Variants in NGLY1 observed in about 807,000 individuals in gnomAD.
The protein encoded by NGLY1 is peptide-N(4)-(N-acetyl-beta-glucosaminyl)asparagine amidase.
Under a neutral mutation model 84.6 loss-of-function variants are expected in NGLY1, and 68 were observed. That is an observed-to-expected ratio of 0.80 (90% CI 0.66 to 0.98). NGLY1 has a LOEUF of 0.98. Among genes scored for constraint, NGLY1 ranks in the 50% least tolerant of loss-of-function variants. The pLI is 0.00. For missense variants in NGLY1, 779 were observed against 770.2 expected (o/e 1.01, Z -0.14); for synonymous variants, 280 against 275.2 (o/e 1.02, Z -0.17).
upstream of NGLY1, among the ~76,000 whole-genome samples, chr3:25,783,760 C>G (rs2125332889): frequency 6.6e-6 from 1 of 152,032 alleles, no homozygotes; most frequent in East Asian, 1.9e-4. This position sits in a 1 kb window ranked among gnomAD's most constrained non-coding sequence, Gnocchi z 4.5. Flanking sequence ...AGAGTTGGGG[C>G]CTGGTCGTAC....
intron 4 of NGLY1, among the ~76,000 whole-genome samples, chr3:25,743,360 C>T (rs1559540022): frequency 6.6e-6 from 1 of 152,224 alleles, no homozygotes; most frequent in Non-Finnish European, 1.5e-5. Flanking sequence ...GTCTTGTTCA[C>T]TGGCTACAGC....
rs539959774 is a variant in NGLY1 at position 25,732,813 on chromosome 3, T to A, written c.1261-330A>T. Among the ~76,000 whole-genome samples the A allele has an allele frequency of 2.0e-5, 3 of 152,128 alleles. No individual in the cohort carries two copies. The East Asian group carries it at 5.8e-4, about 29-fold the overall frequency. On this transcript the variant is annotated intron_variant, in intron 8 of 11. Transcript: ENST00000280700. ...GTCAGAATGTCTTACTGAGAAAAGCTAGAAAAGCTAGTGGAAACACACAAA... is the reference window on the plus strand; with the variant it reads ...GTCAGAATGTCTTACTGAGAAAAGCAAGAAAAGCTAGTGGAAACACACAAA...
chr3:25,741,819 C>T (rs551271149), intron 4 of NGLY1, among the ~76,000 whole-genome samples: 64 of 151,612 alleles, frequency 4.2e-4, no homozygotes, highest in Non-Finnish European at 8.4e-4. Flanking sequence ...GGTGAAACCC[C>T]GTCTCTACTA....
rs34669504 is a variant in NGLY1 at position 25,742,884 on chromosome 3, C to CAAAA, written c.659-3089_659-3086dup. 1.9e-4 allele frequency among the ~76,000 whole-genome samples: 12 copies of CAAAA among 63,314 alleles called. 1 individual carries two copies. The highest frequency in any genetic ancestry group is 6.5e-4 in the African/African-American group (10 of 15,408). The allele number at this position is 63,314 out of a possible 152,430, so 41.5% of individuals were successfully genotyped here. On this transcript the variant is annotated intron_variant, in intron 4 of 11. Transcript: ENST00000280700. ...CTATGAATGTAGTTACCTTATGTGG[C>CAAAA]AAAAAAAAAAAAAAAAAAAAAAAAA... is the stretch of plus-strand genomic sequence containing the variant.
In NGLY1 at chr3:25,745,126, GCCAT is replaced by G. The variant is rs545990786; in HGVS notation, c.659-5331_659-5328del. 1.0e-3 allele frequency among the ~76,000 whole-genome samples: 152 copies of G among 151,984 alleles called. 1 individual carries two copies. Among genetic ancestry groups the G allele is most frequent in the African/African-American group, 3.4e-3 (139 of 41,416 alleles). On this transcript the variant is annotated intron_variant, in intron 4 of 11. Transcript: ENST00000280700. The stretch of plus-strand genomic sequence containing the variant: ...CATATCCTGCTGTTTCTAAAATATC[GCCAT>G]CCAATAGAATTTTCAGCAATAATGG...
intron 5 of NGLY1, among the ~76,000 whole-genome samples, chr3:25,738,052 T>A (rs1705932101): frequency 6.6e-6 from 1 of 152,098 alleles, no homozygotes; most frequent in Admixed American, 6.5e-5. Context: ...ATACAACAGG[T>A]CAGAAAGTGG....
intron 3 of NGLY1, among the ~76,000 whole-genome samples, chr3:25,759,156 G>T (rs768263493): frequency 6.6e-6 from 1 of 152,150 alleles, no homozygotes; most frequent in African/African-American, 2.4e-5. Context: ...GGGATACAGG[G>T]AGAGAGGAGC....
intron 3 of NGLY1, among the ~76,000 whole-genome samples, chr3:25,756,444 C>T (rs1344887284): frequency 6.6e-6 from 1 of 152,110 alleles, no homozygotes; most frequent in Non-Finnish European, 1.5e-5. Context: ...GGGTTTTACT[C>T]CTTAGTTTTT....
chr3:25,737,071 T>C (rs1184612748), intron 6 of NGLY1: 1 of 310,750 alleles, frequency 3.2e-6, no homozygotes, highest in Non-Finnish European at 5.9e-6. Context: ...TGTACATCTA[T>C]TATGCATCAA....
chr3:25,764,670 A>G (rs1707475972), intron 2 of NGLY1, among the ~76,000 whole-genome samples: 1 of 151,330 alleles, frequency 6.6e-6, no homozygotes. Flanking sequence ...ATAGTATATG[A>G]TACTACTATT....
At chr3:25,745,070 A>G (rs190719170) in intron 4 of NGLY1, among the ~76,000 whole-genome samples, 116 of 152,206 alleles carry the variant, frequency 7.6e-4, no homozygotes, top group Non-Finnish European at 5.9e-5. Flanking sequence ...TCACTATATA[A>G]GTTTCCTTCA....
upstream of NGLY1, among the ~76,000 whole-genome samples, chr3:25,786,607 G>A (rs1708608502): frequency 6.6e-6 from 1 of 152,122 alleles, no homozygotes; most frequent in Non-Finnish European, 1.5e-5. Flanking sequence ...GAGAGACCAA[G>A]TCCCTTTATA....
At chr3:25,785,153 A>G (rs1708574760), upstream of NGLY1, among the ~76,000 whole-genome samples, 1 of 151,664 alleles carries the variant, frequency 6.6e-6, no homozygotes, top group Non-Finnish European at 1.5e-5. Flanking sequence ...AAAAAAAAAA[A>G]AAAAAAGTCA....
chr3:25,720,870 C>T (rs1176917214), intron 10 of NGLY1, among the ~76,000 whole-genome samples: 4 of 152,156 alleles, frequency 2.6e-5, no homozygotes, highest in African/African-American at 9.7e-5. Context: ...TTTCACAGGT[C>T]ACTCTATTCA....
intron 3 of NGLY1, among the ~76,000 whole-genome samples, chr3:25,763,666 T>A (rs1474909669): frequency 6.6e-6 from 1 of 152,366 alleles, no homozygotes; most frequent in East Asian, 1.9e-4. Flanking sequence ...AGAATGCCTG[T>A]AAGTTTGACT....
chr3:25,737,769 C>T (rs1244953555), intron 5 of NGLY1, among the ~76,000 whole-genome samples: 1 of 152,094 alleles, frequency 6.6e-6, no homozygotes, highest in Admixed American at 6.5e-5. Context: ...TGGTCTCGAT[C>T]TCCTGACCTC....
At chr3:25,767,317 A>G (rs578067084) in intron 2 of NGLY1, among the ~76,000 whole-genome samples, 1 of 152,252 alleles carries the variant, frequency 6.6e-6, no homozygotes, top group African/African-American at 2.4e-5. Context: ...GAAATCAAAA[A>G]GAATTCTAGT....
rs1458368105 is a variant in NGLY1, at chr3:25,723,641, GCAAA to G, written c.1612-3454_1612-3451del. Reference sequence around the variant, plus strand: ...AATTTATTTAAAAGGAAAAAAAAAAGCAAACATTCACTTGTTTAGTGTAGAGAAA... The same window carrying G: ...AATTTATTTAAAAGGAAAAAAAAAAGCATTCACTTGTTTAGTGTAGAGAAA... On this transcript the variant is annotated intron_variant, in intron 10 of 11. Transcript: ENST00000280700. Among the ~76,000 whole-genome samples, 9 of 151,440 alleles carry G rather than the reference GCAAA, an allele frequency of 5.9e-5. No homozygotes were observed. The South Asian group carries it at 1.5e-3, about 25-fold the overall frequency.
Position 25,783,037 on chromosome 3 carries a change from C to T in NGLY1, c.131+223G>A, listed in dbSNP as rs897372774. On this transcript the variant is annotated intron_variant, in intron 1 of 11. Transcript: ENST00000280700. This position sits in a 1 kb window ranked among gnomAD's most constrained non-coding sequence, Gnocchi z 4.5. ...CCTGACTGCAGGTGCCAAGTCACAA[C>T]TGCAAAGAAACTTCCTTTTCTCGAG... The T allele has an allele frequency of 1.8e-5, 9 of 512,214 alleles. No individual in the cohort carries two copies. The highest frequency in any genetic ancestry group is 2.8e-5 in the Non-Finnish European group (8 of 287,842). 31.7% of individuals were successfully genotyped at this position (512,214 alleles called of 1,614,324 possible).
Sources: gnomAD v4.1 joint callset for allele counts (sites outside exome capture counted in the v4.1 genomes callset) on GRCh38, gnomAD v4.1.1 for gene constraint, Gnocchi (gnomAD v3.1) non-coding constraint, MANE v1.5 for transcripts, NCBI Gene and HGNC (gene_info 2026-07-23, HGNC 2026-07-21) for gene names.